The following SVEP1 variants were observed in gnomAD, a reference collection of about 807,000 sequenced individuals.
The protein encoded by SVEP1 is sushi, von Willebrand factor type A, EGF and pentraxin domain containing 1, also known as sushi, von Willebrand factor type A, EGF and pentraxin domain-containing protein 1.
A neutral mutation model predicts 367.3 loss-of-function variants in SVEP1; 164 were observed. The ratio of observed to expected loss-of-function variants is 0.45; its 90% CI spans 0.39 to 0.51. SVEP1 has a LOEUF of 0.51. SVEP1 is among the 20% of genes least tolerant of loss of function. The pLI is 0.00. For synonymous variants in SVEP1, 1,666 were observed against 1,611.6 expected (o/e 1.03, Z -0.81); for missense variants, 4,117 against 4,425.3 (o/e 0.93, Z 1.98).
chr9:110,496,941 A>C lies in SVEP1; in HGVS notation c.1682-8T>G. The C allele has an allele frequency of 6.6e-7, 1 of 1,511,578 alleles. No homozygotes were observed. The highest frequency in any genetic ancestry group is 9.0e-7 in the Non-Finnish European group (1 of 1,114,540). The allele number at this position is 1,511,578 out of a possible 1,614,324, so 93.6% of individuals were successfully genotyped here. A position where few individuals can be genotyped will look rare whatever the true frequency, so the allele number is the denominator to read the frequency against. ...TTTGAGGAGCCTCCACGTCTAACTCAGAAAAATACACAAGTAGATTAATAC... is the reference window on the plus strand; with the variant it reads ...TTTGAGGAGCCTCCACGTCTAACTCCGAAAAATACACAAGTAGATTAATAC... On this transcript the variant is annotated splice_polypyrimidine_tract_variant and splice_region_variant and intron_variant, in intron 7 of 47. Transcript: ENST00000374469.
At chr9:110,568,505 T>C (rs1333047512) in intron 1 of SVEP1, among the ~76,000 whole-genome samples, 1 of 152,174 alleles carries the variant, frequency 6.6e-6, no homozygotes, top group Non-Finnish European at 1.5e-5. Flanking sequence ...TCTGGAAATA[T>C]GATGCCAGTT....
chr9:110,516,643 C>T (rs1588089164), intron 3 of SVEP1, among the ~76,000 whole-genome samples: 1 of 151,768 alleles, frequency 6.6e-6, no homozygotes, highest in Non-Finnish European at 1.5e-5. Context: ...GAGTCAGCAG[C>T]TGTAGAAGAA....
intron 1 of SVEP1, among the ~76,000 whole-genome samples, chr9:110,561,554 T>C (rs1476236089): frequency 6.6e-6 from 1 of 152,202 alleles, no homozygotes; most frequent in Non-Finnish European, 1.5e-5. Flanking sequence ...AAAACGTTTT[T>C]AGTAAATTCT....
rs1190945799 is a variant in SVEP1, at chr9:110,450,235, A to G, written c.3927T>C (p.Asn1309=). ...FVGLHCETEV[N]ECQSNPCLNN... ...TTAAGCATGGGTTTGACTGGCATTCATTGACTTCTGTTTCACAATGCAGGC... is the reference window on the plus strand; with the variant it reads ...TTAAGCATGGGTTTGACTGGCATTCGTTGACTTCTGTTTCACAATGCAGGC... The change falls in exon 24 of 48, where the codon AAT becomes AAC. Residue 1309 remains asparagine (N), a synonymous_variant. Transcript: ENST00000374469. 6.2e-6 allele frequency: 10 copies of G among 1,613,698 alleles called. No homozygotes were observed. The highest frequency in any genetic ancestry group is 8.5e-6 in the Non-Finnish European group (10 of 1,179,788).
At chr9:110,533,561 T>C (rs545579729) in intron 3 of SVEP1, among the ~76,000 whole-genome samples, 4 of 151,334 alleles carry the variant, frequency 2.6e-5, no homozygotes, top group African/African-American at 4.9e-5. Flanking sequence ...AACCAATCTA[T>C]TGTGGATACC....
At chr9:110,440,398 C>G (rs1049936660) in intron 27 of SVEP1, among the ~76,000 whole-genome samples, 2 of 152,194 alleles carry the variant, frequency 1.3e-5, no homozygotes, top group Non-Finnish European at 2.9e-5. Flanking sequence ...ACTCATCCTT[C>G]AAGACACAGG....
chr9:110,385,276 C>G (rs1454200008), intron 43 of SVEP1, among the ~76,000 whole-genome samples: 1 of 152,222 alleles, frequency 6.6e-6, no homozygotes, highest in African/African-American at 2.4e-5. Context: ...CCACCGCACC[C>G]AGCTGGCAGT....
In SVEP1 at chr9:110,492,310, T is replaced by TA. The variant is rs34728964; in HGVS notation, c.1801-2532dup. Among the ~76,000 whole-genome samples the TA allele has an allele frequency of 9.9e-5, 15 of 151,682 alleles. No homozygotes were observed. In the South Asian group the frequency reaches 1.2e-3, roughly 13 times the overall value. ...GTTATCAAAGATTTTTGAAGGGATG[T>TA]AAAAAAAACTATATTAATTAATCTA... On this transcript the variant is annotated intron_variant, in intron 8 of 47. Transcript: ENST00000374469.
rs560442704 is a variant in SVEP1, at chr9:110,443,812, T to C, written c.4464-92A>G. On this transcript the variant is annotated intron_variant, in intron 26 of 47. Coordinates refer to ENST00000374469, the MANE Select transcript of SVEP1 (RefSeq NM_153366.4). Reference sequence around the variant, plus strand: ...TGCTACAATTTTTCTTCTTTTTCTTTTTTTGTGGGTAAAGTACTTTGTGTA... The same window carrying C: ...TGCTACAATTTTTCTTCTTTTTCTTCTTTTGTGGGTAAAGTACTTTGTGTA... 2.6e-6 allele frequency: 3 copies of C among 1,150,132 alleles called. No homozygotes were observed. In the South Asian group the frequency reaches 6.8e-5, roughly 26 times the overall value. 71.2% of individuals were successfully genotyped at this position (1,150,132 alleles called of 1,614,324 possible).
chr9:110,408,077 T>C lies in SVEP1; in HGVS notation c.7523A>G (p.Lys2508Arg), dbSNP rs1827983597. 2 of 1,613,878 alleles carry C rather than the reference T, an allele frequency of 1.2e-6. No homozygotes were observed. The highest frequency in any genetic ancestry group is 1.7e-6 in the Non-Finnish European group (2 of 1,179,868). Residue 2508 changes from lysine to arginine, a missense_variant, in exon 38 of 48, where the codon AAA becomes AGA. Around this residue, in one of 4 missense-constraint regions of SVEP1, gnomAD observed 1,765 missense variants for 1,781.1 expected, o/e 0.99. Transcript: ENST00000374469. ...ATAGTGTAGGTCCGTGTAAGAGAAT[T>C]TGCCATTCAAAATCTCCTTGGGTTT... ...CLKPKEILNG[K>R]FSYTDLHYGQ...
In SVEP1 at chr9:110,483,475, C is replaced by T. The variant is rs1028853555; in HGVS notation, c.2038+111G>A. 5.6e-5 allele frequency: 30 copies of T among 534,762 alleles called. No homozygotes were observed. The African/African-American group carries it at 5.7e-4, about 10-fold the overall frequency. The allele number at this position is 534,762 out of a possible 1,614,324, so 33.1% of individuals were successfully genotyped here. On this transcript the variant is annotated intron_variant, in intron 10 of 47. Transcript: ENST00000374469. ...ATGTTAACTTATATAATTATTCATTCTCCCTAGACAGTTGTTATTTGCTTT... is the reference window on the plus strand; with the variant it reads ...ATGTTAACTTATATAATTATTCATTTTCCCTAGACAGTTGTTATTTGCTTT...
chr9:110,378,447 A>G (rs962561285), intron 44 of SVEP1, among the ~76,000 whole-genome samples: 2 of 152,046 alleles, frequency 1.3e-5, no homozygotes, highest in African/African-American at 4.8e-5. Context: ...TAAAGTCCAA[A>G]TCTGTTTTTC....
At chr9:110,416,277 C>T (rs1029780313) in intron 36 of SVEP1, among the ~76,000 whole-genome samples, 1 of 150,990 alleles carries the variant, frequency 6.6e-6, no homozygotes, top group African/African-American at 2.4e-5. Context: ...GAAATAAGGA[C>T]AAAAGAAAGA....
rs937748023 is a variant in SVEP1 at position 110,365,946 on chromosome 9, C to T, written c.*593G>A. On this transcript the variant is annotated 3_prime_UTR_variant, in exon 48 of 48. Transcript: ENST00000374469. ...AGCCAGGCTACCCTAAGTACCAGGA[C>T]ATAATTATGTGGTGGAGAGTACCAG... 46 of 152,206 alleles carry T rather than the reference C, an allele frequency of 3.0e-4. No homozygotes were observed. The highest frequency in any genetic ancestry group is 1.1e-3 in the African/African-American group (46 of 41,444). The allele number at this position is 152,206 out of a possible 1,614,324, so 9.4% of individuals were successfully genotyped here.
intron 3 of SVEP1, among the ~76,000 whole-genome samples, chr9:110,522,276 C>T (rs889319366): frequency 3.3e-5 from 5 of 152,044 alleles, no homozygotes; most frequent in South Asian, 2.1e-4. Flanking sequence ...AATTTGAGAG[C>T]CTTCTGGGAG....
In SVEP1 at chr9:110,570,819, G is replaced by T. The variant is rs138474544; in HGVS notation, c.531+8194C>A. 2.6e-4 allele frequency among the ~76,000 whole-genome samples: 40 copies of T among 152,088 alleles called. No homozygotes were observed. The East Asian group carries it at 7.4e-3, about 28-fold the overall frequency. On this transcript the variant is annotated intron_variant, in intron 1 of 47. Transcript: ENST00000374469. ...ACTCTGATAATTTTTACTAAAAGAA[G>T]CATCATCTGCCCTAAGGACTAAGGT...
chr9:110,400,974 T>A lies in SVEP1; in HGVS notation c.9702A>T (p.Glu3234Asp). The A allele has an allele frequency of 6.2e-7, 1 of 1,613,894 alleles. No individual in the cohort carries two copies. The highest frequency in any genetic ancestry group is 8.5e-7 in the Non-Finnish European group (1 of 1,179,848). Residue 3234 changes from glutamate to aspartate, a missense_variant, in exon 40 of 48, where the codon GAA becomes GAT. Around this residue, in one of 4 missense-constraint regions of SVEP1, gnomAD observed 1,765 missense variants for 1,781.1 expected, o/e 0.99. Coordinates refer to ENST00000374469, the MANE Select transcript of SVEP1 (RefSeq NM_153366.4). ...TCCCACAAGAAACTGGACTGCAAGA[T>A]TCATCGGAGAATGGTGGCTCCCAGG... Reference protein sequence around the residue: ...DGTWEPPFSDESCSPVSCGKP... With the variant: ...DGTWEPPFSDDSCSPVSCGKP...
intron 8 of SVEP1, among the ~76,000 whole-genome samples, chr9:110,495,977 G>T (rs1178827010): frequency 1.3e-5 from 2 of 152,160 alleles, no homozygotes; most frequent in African/African-American, 2.4e-5. Flanking sequence ...TTTCTTAAAA[G>T]ATCCTCAGAA....
intron 47 of SVEP1, among the ~76,000 whole-genome samples, chr9:110,367,455 T>C (rs1278329825): frequency 1.3e-5 from 2 of 152,080 alleles, no homozygotes; most frequent in Non-Finnish European, 2.9e-5. Flanking sequence ...GTGTGAGCCA[T>C]CACACTCAGC....
Sources: gnomAD v4.1 joint callset for allele counts (sites outside exome capture counted in the v4.1 genomes callset) on GRCh38, gnomAD v4.1.1 for gene constraint, gnomAD v4.1.1 regional missense constraint, MANE v1.5 for transcripts, NCBI Gene and HGNC (gene_info 2026-07-23, HGNC 2026-07-21) for gene names.